Variants in IGF2BP3 observed in about 807,000 individuals in gnomAD.
IGF2BP3 encodes the protein insulin-like growth factor 2 mRNA-binding protein 3.
IGF2BP3 carries 9 observed loss-of-function variants against 73.8 expected under a neutral mutation model. The observed-to-expected ratio is 0.12, with a 90% CI of 0.07 to 0.21. The LOEUF (loss-of-function observed/expected upper bound fraction) is 0.21, where lower values mean the gene tolerates loss of function less well. IGF2BP3 is among the 10% of genes least tolerant of loss of function. The pLI is 1.00. For synonymous variants in IGF2BP3, 258 were observed against 256.7 expected, an observed-to-expected ratio of 1.01 and a Z score of -0.05; for missense variants, 542 against 714.0, an observed-to-expected ratio of 0.76 and a Z score of 2.75.
chr7:23,400,000 A>G (rs564836198), intron 3 of IGF2BP3, among the ~76,000 whole-genome samples: 3 of 152,294 alleles, frequency 2.0e-5, no homozygotes, highest in Admixed American at 6.5e-5. Context: ...CTTTACTTCA[A>G]TGCCACACCA....
At chr7:23,461,781 T>G (rs1208937097) in intron 2 of IGF2BP3, among the ~76,000 whole-genome samples, 1 of 152,242 alleles carries the variant, frequency 6.6e-6, no homozygotes, top group Non-Finnish European at 1.5e-5. Context: ...TTGTGGAAGA[T>G]GACATACAAA....
chr7:23,432,029 G>T (rs1242955155), intron 2 of IGF2BP3, among the ~76,000 whole-genome samples: 1 of 152,166 alleles, frequency 6.6e-6, no homozygotes, highest in Non-Finnish European at 1.5e-5. Flanking sequence ...TTACATCACA[G>T]TTCTAAGTGA....
At chr7:23,358,448 G>A (rs1785149292) in intron 5 of IGF2BP3, among the ~76,000 whole-genome samples, 1 of 152,168 alleles carries the variant, frequency 6.6e-6, no homozygotes, top group South Asian at 2.1e-4. Flanking sequence ...TGGAACCCAT[G>A]GAGCAGGCCT....
intron 2 of IGF2BP3, among the ~76,000 whole-genome samples, chr7:23,457,036 A>G (rs2090584716): frequency 6.6e-6 from 1 of 151,138 alleles, no homozygotes. Context: ...TCGACAGAGC[A>G]AGACTCTGTC....
rs943156449 is a variant in IGF2BP3 at position 23,333,701 on chromosome 7, G to T, written c.1203+8363C>A. Among the ~76,000 whole-genome samples, 12 of 152,288 alleles carry T rather than the reference G, an allele frequency of 7.9e-5. No homozygotes were observed. In the South Asian group the frequency reaches 2.3e-3, roughly 29 times the overall value. ...TCCTGGAATGAAAACAGAAGCAACA[G>T]AACTTGTCAAATAGAAGCAGCAGAG... On this transcript the variant is annotated intron_variant, in intron 10 of 14. Transcript: ENST00000258729.
intron 2 of IGF2BP3, among the ~76,000 whole-genome samples, chr7:23,446,535 C>A (rs1041470987): frequency 6.6e-6 from 1 of 151,900 alleles, no homozygotes; most frequent in Non-Finnish European, 1.5e-5. Context: ...GCTGCCTGGG[C>A]GACAGAGCAA....
At chr7:23,453,873 T>A (rs147450998) in intron 2 of IGF2BP3, among the ~76,000 whole-genome samples, 4 of 152,286 alleles carry the variant, frequency 2.6e-5, no homozygotes, top group South Asian at 4.1e-4. Context: ...TTCTTTGAAA[T>A]AGGATCTCAC....
chr7:23,360,964 G>C (rs899464666), intron 5 of IGF2BP3, among the ~76,000 whole-genome samples: 1 of 152,172 alleles, frequency 6.6e-6, no homozygotes, highest in African/African-American at 2.4e-5. Context: ...CCAGCCTATA[G>C]AATTATCTTT....
chr7:23,333,989 T>C (rs942880706), intron 10 of IGF2BP3, among the ~76,000 whole-genome samples: 3 of 152,224 alleles, frequency 2.0e-5, no homozygotes, highest in Non-Finnish European at 2.9e-5. Context: ...CTGTCAACTT[T>C]TGCCAATCAT....
At position 23,330,351 on chromosome 7, in the gene IGF2BP3, A is replaced by G. The variant is rs376317010; in HGVS notation, c.1204-11097T>C. 3.4e-5 allele frequency among the ~76,000 whole-genome samples: 5 copies of G among 148,830 alleles called. No individual in the cohort carries two copies. In the East Asian group the frequency reaches 9.7e-4, roughly 29 times the overall value. On this transcript the variant is annotated intron_variant, in intron 10 of 14. Coordinates refer to ENST00000258729, the MANE Select transcript of IGF2BP3 (RefSeq NM_006547.3). ...TATATTTATATAATATTTATATTAT[A>G]TATATATTTCTCTAGAGCTGTCAAA...
chr7:23,445,870 A>T (rs1280306878), intron 2 of IGF2BP3, among the ~76,000 whole-genome samples: 1 of 152,236 alleles, frequency 6.6e-6, no homozygotes, highest in Non-Finnish European at 1.5e-5. Flanking sequence ...GAATGACCTT[A>T]TTTCCACTAG....
chr7:23,413,666 T>C lies in IGF2BP3; in HGVS notation c.285+5110A>G, dbSNP rs1357589997. On this transcript the variant is annotated intron_variant, in intron 3 of 14. Coordinates refer to ENST00000258729, the MANE Select transcript of IGF2BP3 (RefSeq NM_006547.3). Reference sequence around the variant, plus strand: ...GGGCTCTCAAATCCTCCTTCTAATGTACACTTCCCCTGTGGCATCTGAACA... The same window carrying C: ...GGGCTCTCAAATCCTCCTTCTAATGCACACTTCCCCTGTGGCATCTGAACA... 13 of 152,340 alleles carry C rather than the reference T, an allele frequency of 8.5e-5. No homozygotes were observed. In the East Asian group the frequency reaches 2.3e-3, roughly 27 times the overall value. The allele number at this position is 152,340 out of a possible 1,614,324, so 9.4% of individuals were successfully genotyped here.
chr7:23,390,512 C>T (rs1411357252), intron 3 of IGF2BP3, among the ~76,000 whole-genome samples: 2 of 152,168 alleles, frequency 1.3e-5, no homozygotes, highest in African/African-American at 4.8e-5. Context: ...TAGGGTAAAC[C>T]ACCAGAGCTC....
chr7:23,348,231 G>C (rs1003780938), intron 6 of IGF2BP3, among the ~76,000 whole-genome samples: 19 of 152,182 alleles, frequency 1.2e-4, no homozygotes, highest in African/African-American at 4.6e-4. Flanking sequence ...CTTGATAGAG[G>C]AAAGTCTGCA....
chr7:23,342,501 G>A (rs1336808879), intron 9 of IGF2BP3, among the ~76,000 whole-genome samples: 2 of 152,040 alleles, frequency 1.3e-5, no homozygotes, highest in African/African-American at 2.4e-5. Context: ...TGCATGCTGT[G>A]GGCAAACTAA....
chr7:23,449,456 G>T (rs999166787), intron 2 of IGF2BP3, among the ~76,000 whole-genome samples: 1 of 151,812 alleles, frequency 6.6e-6, no homozygotes, highest in African/African-American at 2.4e-5. Flanking sequence ...GGCAGAGCTT[G>T]CAGTGAGCCG....
At position 23,460,201 on chromosome 7, in the gene IGF2BP3, A is replaced by AAC. The variant is rs1554338034; in HGVS notation, c.236+8279_236+8280dup. Reference sequence around the variant, plus strand: ...CTCAAAAAAAAAAAAAAAAAACAAAAACGAAAGTGAGCTCACACTCACCAG... The same window carrying AAC: ...CTCAAAAAAAAAAAAAAAAAACAAAAACACGAAAGTGAGCTCACACTCACCAG... On this transcript the variant is annotated intron_variant, in intron 2 of 14. Coordinates refer to ENST00000258729, the MANE Select transcript of IGF2BP3 (RefSeq NM_006547.3). Among the ~76,000 whole-genome samples, 79 of 147,016 alleles carry AAC rather than the reference A, an allele frequency of 5.4e-4. 1 individual carries two copies. Among genetic ancestry groups the AAC allele is most frequent in the Non-Finnish European group, 9.7e-4 (64 of 66,292 alleles).
intron 5 of IGF2BP3, among the ~76,000 whole-genome samples, chr7:23,353,437 T>G (rs1322349858): frequency 6.6e-6 from 1 of 152,144 alleles, no homozygotes; most frequent in Non-Finnish European, 1.5e-5. Flanking sequence ...CTGTCCTACC[T>G]TCTCTGGCAC....
intron 2 of IGF2BP3, among the ~76,000 whole-genome samples, chr7:23,419,982 T>A (rs183747294): frequency 6.6e-6 from 1 of 152,220 alleles, no homozygotes; most frequent in Admixed American, 6.5e-5. Context: ...TACACATGTA[T>A]ATATGTATGT....
Sources: allele counts gnomAD v4.1 joint callset (sites outside exome capture counted in the v4.1 genomes callset), GRCh38; gene constraint gnomAD v4.1.1; transcripts MANE v1.5; gene names NCBI Gene and HGNC (gene_info 2026-07-23, HGNC 2026-07-21).